Variants in HSD17B12 observed in about 807,000 individuals in gnomAD.
HSD17B12 encodes the protein hydroxysteroid 17-beta dehydrogenase 12.
A neutral mutation model predicts 39.3 loss-of-function variants in HSD17B12; 32 were observed. The observed-to-expected ratio is 0.81, with a 90% confidence interval of 0.61 to 1.09. The LOEUF is 1.09. Ranked by LOEUF, HSD17B12 falls within the 50% of genes least tolerant of loss-of-function variation. HSD17B12 has a pLI of 0.00. For synonymous variants in HSD17B12, 150 were observed against 146.7 expected (o/e 1.02, Z -0.16); for missense variants, 342 against 382.9 (o/e 0.89, Z 0.89).
the HSD17B12 span, among the ~76,000 whole-genome samples, chr11:43,588,578 G>A: frequency 7.1e-6 from 1 of 140,004 alleles, no homozygotes; most frequent in Non-Finnish European, 1.6e-5. Flanking sequence ...CCTAGTCAGT[G>A]TTCAAAAAAT....
intron 1 of HSD17B12, among the ~76,000 whole-genome samples, chr11:43,692,475 A>G (rs566828415): frequency 1.4e-4 from 22 of 152,206 alleles, no homozygotes; most frequent in Non-Finnish European, 2.8e-4. Context: ...CATCTGTGGT[A>G]TCAGGAAATT....
intron 2 of HSD17B12, among the ~76,000 whole-genome samples, chr11:43,752,669 A>C (rs1238095981): frequency 6.6e-6 from 1 of 151,776 alleles, no homozygotes; most frequent in Admixed American, 6.6e-5. Flanking sequence ...AGCCGAGATC[A>C]CACCGTGGCA....
At chr11:43,819,000 T>C (rs1053133155) in intron 6 of HSD17B12, among the ~76,000 whole-genome samples, 1 of 152,354 alleles carries the variant, frequency 6.6e-6, no homozygotes, top group Middle Eastern at 3.4e-3. Context: ...ATATCTTTTC[T>C]GGTACATTTG....
At chr11:43,721,754 A>G (rs1950178374) in intron 1 of HSD17B12, among the ~76,000 whole-genome samples, 1 of 152,212 alleles carries the variant, frequency 6.6e-6, no homozygotes, top group South Asian at 2.1e-4. Flanking sequence ...GAGGGGCATG[A>G]ACGAGGTCAT....
chr11:43,652,695 C>T, the HSD17B12 span, among the ~76,000 whole-genome samples: 2 of 152,024 alleles, frequency 1.3e-5, no homozygotes, highest in African/African-American at 2.4e-5. Flanking sequence ...TGAAGAGATA[C>T]ATGGGGCGAG....
intron 7 of HSD17B12, chr11:43,837,913 A>G (rs1039233539): frequency 5.9e-6 from 1 of 168,974 alleles, no homozygotes; most frequent in African/African-American, 2.4e-5. Flanking sequence ...TATACATAGA[A>G]TGATTAAATC....
chr11:43,643,025 A>T, the HSD17B12 span, among the ~76,000 whole-genome samples: 1 of 152,076 alleles, frequency 6.6e-6, no homozygotes, highest in East Asian at 1.9e-4. Flanking sequence ...GAGTTTTGTG[A>T]TTTGAAATTC....
At chr11:43,649,783 T>C in the HSD17B12 span, among the ~76,000 whole-genome samples, 6 of 152,372 alleles carry the variant, frequency 3.9e-5, no homozygotes, top group Non-Finnish European at 5.9e-5. Context: ...TTCCAGGTAT[T>C]GCTCTTATTT....
At chr11:43,817,152 T>C (rs1951138167) in intron 6 of HSD17B12, among the ~76,000 whole-genome samples, 1 of 151,852 alleles carries the variant, frequency 6.6e-6, no homozygotes, top group Non-Finnish European at 1.5e-5. Context: ...CTTTTGAGAA[T>C]TGTCTATTCA....
At chr11:43,557,961 C>T in the HSD17B12 span, among the ~76,000 whole-genome samples, 4 of 152,154 alleles carry the variant, frequency 2.6e-5, no homozygotes, top group African/African-American at 7.2e-5. Flanking sequence ...GGTCAGAGAT[C>T]GTATGGTGCT....
At chr11:43,641,314 A>G in the HSD17B12 span, among the ~76,000 whole-genome samples, 3 of 151,932 alleles carry the variant, frequency 2.0e-5, no homozygotes, top group Non-Finnish European at 2.9e-5. Flanking sequence ...TTTTAAAAAT[A>G]TTTAAGACAT....
chr11:43,685,820 T>C (rs1466407346), intron 1 of HSD17B12, among the ~76,000 whole-genome samples: 1 of 152,208 alleles, frequency 6.6e-6, no homozygotes, highest in African/African-American at 2.4e-5. Context: ...CTTTCACTTT[T>C]TAAAATTTAA....
At chr11:43,582,446 C>G in the HSD17B12 span, among the ~76,000 whole-genome samples, 3 of 152,218 alleles carry the variant, frequency 2.0e-5, no homozygotes, top group Non-Finnish European at 4.4e-5. Flanking sequence ...CACCACGCTC[C>G]CCGCGCCCTT....
upstream of HSD17B12, chr11:43,680,568 C>T: frequency 1.0e-5 from 5 of 498,042 alleles, no homozygotes; most frequent in Non-Finnish European, 1.4e-5. Flanking sequence ...ACTGGCGGAA[C>T]CCCGGGGGAC....
chr11:43,628,496 A>G, the HSD17B12 span, among the ~76,000 whole-genome samples: 1 of 152,178 alleles, frequency 6.6e-6, no homozygotes, highest in Non-Finnish European at 1.5e-5. Context: ...GTGTACTAAT[A>G]CAGATTTGGT....
chr11:43,793,428 C>T (rs1405123910), intron 3 of HSD17B12, among the ~76,000 whole-genome samples: 1 of 152,134 alleles, frequency 6.6e-6, no homozygotes, highest in Non-Finnish European at 1.5e-5. Flanking sequence ...GTAAATTAGA[C>T]TTCTTTTGTA....
chr11:43,624,713 T>C, the HSD17B12 span, among the ~76,000 whole-genome samples: 1 of 151,834 alleles, frequency 6.6e-6, no homozygotes. Flanking sequence ...CCATTAAGAA[T>C]ATATTTTTAA....
chr11:43,565,317 C>T, the HSD17B12 span, among the ~76,000 whole-genome samples: 133 of 152,248 alleles, frequency 8.7e-4, no homozygotes, highest in African/African-American at 3.0e-3. Context: ...CTCCACTGAC[C>T]TCAGGAAGTG....
chr11:43,810,889 A>G (rs915722239), intron 4 of HSD17B12, among the ~76,000 whole-genome samples: 1 of 152,212 alleles, frequency 6.6e-6, no homozygotes, highest in African/African-American at 2.4e-5. Flanking sequence ...TCACTAATAA[A>G]CATGTTTAAT....
Sources: gnomAD v4.1 joint callset for allele counts (sites outside exome capture counted in the v4.1 genomes callset) on GRCh38, gnomAD v4.1.1 for gene constraint, MANE v1.5 for transcripts, NCBI Gene and HGNC (gene_info 2026-07-23, HGNC 2026-07-21) for gene names.